The following SLC25A26 variants were observed in gnomAD, a reference collection of about 807,000 sequenced individuals.
The protein encoded by SLC25A26 is mitochondrial S-adenosylmethionine carrier protein.
SLC25A26 carries 36 observed loss-of-function variants against 37.8 expected under a neutral mutation model. That is an observed-to-expected ratio of 0.95 (90% CI 0.73 to 1.26). The LOEUF is 1.26. Ranked by LOEUF, SLC25A26 falls within the 50% of genes most tolerant of loss-of-function variation. The pLI is 0.00. For synonymous variants in SLC25A26, 129 were observed against 122.5 expected, an observed-to-expected ratio of 1.05 and a Z score of -0.35; for missense variants, 390 against 331.1, an observed-to-expected ratio of 1.18 and a Z score of -1.38.
intron 1 of SLC25A26, among the ~76,000 whole-genome samples, chr3:66,174,799 GAAAAAAAAAAAAAGA>G (rs894678620): frequency 2.3e-4 from 15 of 65,912 alleles, no homozygotes; most frequent in African/African-American, 9.1e-4. Flanking sequence ...GTCTCAAAAA[GAAAAAAAAAAAAAGA>G]AAAAAAAAAT....
chr3:66,251,440 T>C (rs1237290915), intron 3 of SLC25A26, among the ~76,000 whole-genome samples: 2 of 152,122 alleles, frequency 1.3e-5, no homozygotes, highest in African/African-American at 2.4e-5. Flanking sequence ...GCCTTTTAGT[T>C]TGTTGTGTCT....
chr3:66,187,705 C>T (rs1172697859), intron 1 of SLC25A26, among the ~76,000 whole-genome samples: 1 of 151,906 alleles, frequency 6.6e-6, no homozygotes, highest in African/African-American at 2.4e-5. Flanking sequence ...CTGACCATAA[C>T]CCCTACACTC....
intron 5 of SLC25A26, among the ~76,000 whole-genome samples, chr3:66,275,049 C>T (rs1275910006): frequency 6.6e-6 from 1 of 152,032 alleles, no homozygotes; most frequent in African/African-American, 2.4e-5. Flanking sequence ...GGCACATATA[C>T]ACCATGGAAT....
In SLC25A26 at chr3:66,230,898, G is replaced by C. The variant is rs533586707; in HGVS notation, c.34-5646G>C. Among the ~76,000 whole-genome samples, 17 of 152,018 alleles carry C rather than the reference G, an allele frequency of 1.1e-4. No individual in the cohort carries two copies. In the South Asian group the frequency reaches 2.9e-3, roughly 26 times the overall value. On this transcript the variant is annotated intron_variant, in intron 1 of 9. Transcript: ENST00000354883. ...AATGAGAAGTTTTAGGAAACAACTGGGTGCAGTGGCTTATGCCTGTAATCC... is the reference window on the plus strand; with the variant it reads ...AATGAGAAGTTTTAGGAAACAACTGCGTGCAGTGGCTTATGCCTGTAATCC...
chr3:66,154,690 C>A lies in SLC25A26; in HGVS notation c.-354+20706C>A, dbSNP rs570035540. ...TAGAGATGGGGTTTCATCATGTTGC[C>A]CAGGCTCATCTCAAACTGCTGGCTC... On this transcript the variant is annotated intron_variant, in intron 1 of 10. Coordinates refer to the SLC25A26 transcript ENST00000676754. Among the ~76,000 whole-genome samples, 5 of 152,092 alleles carry A rather than the reference C, an allele frequency of 3.3e-5. No homozygotes were observed. The South Asian group carries it at 8.3e-4, about 25-fold the overall frequency.
At chr3:66,256,771 C>T (rs782742820) in intron 3 of SLC25A26, among the ~76,000 whole-genome samples, 3 of 152,096 alleles carry the variant, frequency 2.0e-5, no homozygotes, top group Admixed American at 1.3e-4. Context: ...GTGGCACACC[C>T]GTAGTCCCAG....
chr3:66,369,494 A>T lies in SLC25A26; in HGVS notation c.585A>T (p.Ala195=). 6.2e-7 allele frequency: 1 copy of T among 1,605,356 alleles called. No individual in the cohort carries two copies. The highest frequency in any genetic ancestry group is 1.1e-5 in the South Asian group (1 of 88,618). Residue 195 remains alanine, a synonymous_variant, in exon 8 of 10, where the codon GCA becomes GCT. Coordinates refer to ENST00000354883, the MANE Select transcript of SLC25A26 (RefSeq NM_001379210.1). ...CGAFAGGFAA[A]VTTPLDVAKT... is the part of the protein sequence containing the mutation. Reference sequence around the variant, plus strand: ...TTTGTACAGGTGGATTTGCCGCTGCAGTCACCACCCCTCTAGACGTGGCAA... The same window carrying T: ...TTTGTACAGGTGGATTTGCCGCTGCTGTCACCACCCCTCTAGACGTGGCAA...
chr3:66,363,397 C>G (rs1575611624), intron 7 of SLC25A26, among the ~76,000 whole-genome samples: 1 of 152,104 alleles, frequency 6.6e-6, no homozygotes, highest in East Asian at 1.9e-4. Flanking sequence ...TCCTCCATAA[C>G]TTACTGAAGG....
intron 2 of SLC25A26, among the ~76,000 whole-genome samples, chr3:66,241,648 A>C (rs1237538017): frequency 6.6e-6 from 1 of 152,218 alleles, no homozygotes; most frequent in Non-Finnish European, 1.5e-5. Flanking sequence ...GTTCAAAAAT[A>C]GCCTTGTTTT....
intron 3 of SLC25A26, among the ~76,000 whole-genome samples, chr3:66,260,738 G>T (rs1388999450): frequency 1.3e-5 from 2 of 152,124 alleles, no homozygotes; most frequent in African/African-American, 4.8e-5. Flanking sequence ...GCTGTCACCT[G>T]TTTTTGTAAA....
chr3:66,298,520 G>A (rs897168865), intron 5 of SLC25A26, among the ~76,000 whole-genome samples: 7 of 152,156 alleles, frequency 4.6e-5, no homozygotes, highest in African/African-American at 1.7e-4. Flanking sequence ...GTAATAAACA[G>A]TTTTCAGAAT....
At chr3:66,163,580 C>T (rs2070388289) in intron 1 of SLC25A26, among the ~76,000 whole-genome samples, 1 of 152,196 alleles carries the variant, frequency 6.6e-6, no homozygotes, top group South Asian at 2.1e-4. Context: ...ATTATGCTCT[C>T]ATGACTTCTA....
At chr3:66,302,524 G>A (rs1329528306) in intron 5 of SLC25A26, among the ~76,000 whole-genome samples, 1 of 152,150 alleles carries the variant, frequency 6.6e-6, no homozygotes, top group African/African-American at 2.4e-5. Context: ...TTTGGGTCAT[G>A]TAATACTTAT....
intron 1 of SLC25A26, among the ~76,000 whole-genome samples, chr3:66,235,736 T>C (rs146616650): frequency 0.013 from 2,052 of 152,306 alleles, 52 homozygotes; most frequent in African/African-American, 0.043. Context: ...TACATCATCT[T>C]TTCTTTTTAA....
chr3:66,255,498 T>G (rs187220142), intron 3 of SLC25A26, among the ~76,000 whole-genome samples: 2 of 152,106 alleles, frequency 1.3e-5, no homozygotes, highest in African/African-American at 4.8e-5. Context: ...AGCATGTTTT[T>G]TTTTTTTTTC....
intron 5 of SLC25A26, among the ~76,000 whole-genome samples, chr3:66,296,698 T>A (rs2074913434): frequency 1.3e-5 from 2 of 152,220 alleles, no homozygotes; most frequent in Admixed American, 1.3e-4. Context: ...ATCACTAGAA[T>A]GAAAATAAAA....
chr3:66,151,519 A>G (rs906453310), intron 1 of SLC25A26, among the ~76,000 whole-genome samples: 7 of 152,224 alleles, frequency 4.6e-5, no homozygotes, highest in African/African-American at 1.7e-4. Flanking sequence ...GTAATGTGTT[A>G]CACAGCCTGA....
Position 66,209,893 on chromosome 3 carries a change from T to TTTATATATATATTTATA in SLC25A26, c.-353-10849_-353-10848insTTATATATATATTTATA, listed in dbSNP as rs2071254802. Among the ~76,000 whole-genome samples, 54 of 46,172 alleles carry TTTATATATATATTTATA rather than the reference T, an allele frequency of 1.2e-3. 7 individuals carry two copies. The highest frequency in any genetic ancestry group is 3.5e-3 in the African/African-American group (53 of 14,990). The allele number at this position is 46,172 out of a possible 152,430, so 30.3% of individuals were successfully genotyped here. ...ATATATATACTCCTCTCTCTCTCTC[T>TTTATATATATATTTATA]CTATTTATATATATATATATATATA... On this transcript the variant is annotated intron_variant, in intron 1 of 10. Coordinates refer to the SLC25A26 transcript ENST00000676754.
intron 5 of SLC25A26, among the ~76,000 whole-genome samples, chr3:66,293,479 C>G (rs979885417): frequency 6.7e-6 from 1 of 150,018 alleles, no homozygotes; most frequent in Non-Finnish European, 1.5e-5. Flanking sequence ...ATTTTGCCAC[C>G]CAGGTACTAA....
Sources: allele counts gnomAD v4.1 joint callset (sites outside exome capture counted in the v4.1 genomes callset), GRCh38; gene constraint gnomAD v4.1.1; transcripts MANE v1.5; gene names NCBI Gene and HGNC (gene_info 2026-07-23, HGNC 2026-07-21).